The following ANK3 variants were observed in gnomAD, a reference collection of about 807,000 sequenced individuals.
ANK3 encodes the protein ankyrin-3.
In ANK3, 57 loss-of-function variants were observed where a neutral mutation model predicts 370.9. That is an observed-to-expected ratio of 0.15 (90% confidence interval 0.12 to 0.19). The LOEUF (loss-of-function observed/expected upper bound fraction) is 0.19, where lower values mean the gene tolerates loss of function less well. ANK3 is among the 10% of genes least tolerant of loss of function. ANK3 has a pLI of 1.00. For missense variants in ANK3, 4,439 were observed against 5,302.1 expected (o/e 0.84, Z 5.06); for synonymous variants, 1,929 against 1,946.3 (o/e 0.99, Z 0.23).
chr10:60,532,688 A>G (rs1311249788), intron 2 of ANK3, among the ~76,000 whole-genome samples: 4 of 152,208 alleles, frequency 2.6e-5, no homozygotes, highest in African/African-American at 7.2e-5. Flanking sequence ...TTGGTTCCAG[A>G]GCTTTCAGAA....
chr10:60,245,249 TTTAA>T (rs1263074630), intron 7 of ANK3, among the ~76,000 whole-genome samples: 3 of 152,256 alleles, frequency 2.0e-5, no homozygotes, highest in African/African-American at 7.2e-5. Flanking sequence ...TTCTGTTCCC[TTTAA>T]TTTTCTTAAG....
At chr10:60,345,138 C>T (rs895523451) in intron 1 of ANK3, among the ~76,000 whole-genome samples, 3 of 152,132 alleles carry the variant, frequency 2.0e-5, no homozygotes, top group African/African-American at 7.2e-5. Flanking sequence ...TATGCCTCAA[C>T]TGAGCATTAA....
At chr10:60,214,453 C>T (rs1435448808) in intron 8 of ANK3, among the ~76,000 whole-genome samples, 1 of 151,992 alleles carries the variant, frequency 6.6e-6, no homozygotes, top group Non-Finnish European at 1.5e-5. Flanking sequence ...TACACAGGTA[C>T]ATGTGTGCCA....
intron 2 of ANK3, among the ~76,000 whole-genome samples, chr10:60,522,879 C>T (rs2076380469): frequency 6.6e-6 from 1 of 152,060 alleles, no homozygotes; most frequent in African/African-American, 2.4e-5. Context: ...CAGACACATA[C>T]ACGGACAATC....
intron 1 of ANK3, among the ~76,000 whole-genome samples, chr10:60,330,714 C>T (rs1426312647): frequency 1.3e-5 from 2 of 152,142 alleles, no homozygotes; most frequent in Non-Finnish European, 2.9e-5. Flanking sequence ...GTGGCGATTC[C>T]TGAAGGATCT....
In ANK3 at chr10:60,176,527, C is replaced by T. The variant is rs551457568; in HGVS notation, c.2185-3341G>A. Among the ~76,000 whole-genome samples, 47 of 152,092 alleles carry T rather than the reference C, an allele frequency of 3.1e-4. No individual in the cohort carries two copies. The South Asian group carries it at 8.9e-3, about 29-fold the overall frequency. Reference sequence around the variant, plus strand: ...CTGTAATCCCAGCACTTTTGGAGGCCGAGGCCGGCGGATCACCCGAGGTCA... The same window carrying T: ...CTGTAATCCCAGCACTTTTGGAGGCTGAGGCCGGCGGATCACCCGAGGTCA... On this transcript the variant is annotated intron_variant, in intron 18 of 43. Transcript: ENST00000280772.
intron 23 of ANK3, among the ~76,000 whole-genome samples, chr10:60,146,511 C>T (rs770022338): frequency 7.2e-5 from 11 of 152,142 alleles, no homozygotes; most frequent in Admixed American, 1.3e-4. Context: ...TCTTTGGAGA[C>T]ACAGTCTCAC....
intron 36 of ANK3, 147 bp from the exon 37 acceptor site, chr10:60,076,595 G>C (rs2083881012): frequency 9.3e-7 from 1 of 1,071,030 alleles, no homozygotes; most frequent in Admixed American, 3.6e-5. Flanking sequence ...GAATGGAAGA[G>C]GCAAAAGGAA....
chr10:60,689,613 A>G lies in ANK3; in HGVS notation c.57+43650T>C, dbSNP rs553834336. 2.6e-5 allele frequency among the ~76,000 whole-genome samples: 4 copies of G among 151,884 alleles called. No individual in the cohort carries two copies. In the East Asian group the frequency reaches 5.8e-4, roughly 22 times the overall value. ...CTAAAAATACAAAAATTAGCTGGGC[A>G]TGGTGTCGAGTGCCTGTAATCCCAG... On this transcript the variant is annotated intron_variant, in intron 1 of 43. Transcript: ENST00000373827.
chr10:60,200,905 T>G (rs1454048592), intron 12 of ANK3, among the ~76,000 whole-genome samples: 2 of 152,222 alleles, frequency 1.3e-5, no homozygotes, highest in Non-Finnish European at 2.9e-5. Flanking sequence ...TTCTTTGCCC[T>G]GGACCACCCT....
intron 23 of ANK3, chr10:60,145,896 T>C (rs566004091): frequency 5.4e-4 from 380 of 698,116 alleles, no homozygotes; most frequent in Admixed American, 1.9e-3. Flanking sequence ...AAATGTGGAA[T>C]GAATGAAAGA....
intron 1 of ANK3, among the ~76,000 whole-genome samples, chr10:60,379,138 A>G (rs1239623517): frequency 2.6e-5 from 4 of 152,212 alleles, no homozygotes; most frequent in African/African-American, 9.6e-5. Context: ...AATGCAAATC[A>G]AAACCACAAT....
intron 2 of ANK3, among the ~76,000 whole-genome samples, chr10:60,536,332 G>A (rs2076724080): frequency 6.6e-6 from 1 of 152,000 alleles, no homozygotes; most frequent in Non-Finnish European, 1.5e-5. Flanking sequence ...TTGCAGAAGA[G>A]TGCACACATA....
chr10:60,088,079 C>G (rs1376142412), intron 29 of ANK3, 68 bp downstream of exon 29: 2 of 1,304,778 alleles, frequency 1.5e-6, no homozygotes, highest in East Asian at 4.6e-5. Flanking sequence ...ATAACTCTTT[C>G]CAGAGCAAAA....
intron 1 of ANK3, among the ~76,000 whole-genome samples, chr10:60,385,743 C>T (rs1030832415): frequency 6.6e-6 from 1 of 152,102 alleles, no homozygotes. Context: ...TACCTACTTA[C>T]CTATCTGTTG....
At chr10:60,514,868 CAAAT>C (rs2076178088) in intron 2 of ANK3, among the ~76,000 whole-genome samples, 2 of 152,034 alleles carry the variant, frequency 1.3e-5, no homozygotes, top group Non-Finnish European at 2.9e-5. Context: ...AAAAGTGTAT[CAAAT>C]AAGCTGTTTC....
intron 5 of ANK3, among the ~76,000 whole-genome samples, chr10:60,266,214 G>A (rs778564685): frequency 2.6e-5 from 4 of 151,974 alleles, no homozygotes; most frequent in Admixed American, 6.6e-5. Context: ...GGAACTTTAG[G>A]ATATAACAAG....
chr10:60,518,909 T>C lies in ANK3; in HGVS notation c.96+96277A>G, dbSNP rs545721543. On this transcript the variant is annotated intron_variant, in intron 2 of 43. Transcript: ENST00000373827. ...TGATAAAAAGAACCCAGCCATGGCG[T>C]TGCTGGGAAGCACTGGGAGGCGTCC... Among the ~76,000 whole-genome samples the C allele has an allele frequency of 3.3e-5, 5 of 152,264 alleles. No homozygotes were observed. The South Asian group carries it at 1.0e-3, about 32-fold the overall frequency.
intron 28 of ANK3, among the ~76,000 whole-genome samples, chr10:60,098,674 T>G (rs926540308): frequency 3.5e-4 from 54 of 152,336 alleles, no homozygotes; most frequent in African/African-American, 1.3e-3. Context: ...TTAAAAAACA[T>G]TTATTTTAAA....
Sources: allele counts gnomAD v4.1 joint callset (sites outside exome capture counted in the v4.1 genomes callset), GRCh38; gene constraint gnomAD v4.1.1; transcripts MANE v1.5; gene names NCBI Gene and HGNC (gene_info 2026-07-23, HGNC 2026-07-21).